Variants in RBFOX1 observed in about 807,000 individuals in gnomAD.
RBFOX1 encodes the protein RNA binding fox-1 homolog 1.
RBFOX1 carries 8 observed loss-of-function variants against 57.7 expected under a neutral mutation model. The observed-to-expected ratio is 0.14, with a 90% CI of 0.08 to 0.25. The LOEUF (loss-of-function observed/expected upper bound fraction) is 0.25, where lower values mean the gene tolerates loss of function less well. Among genes scored for constraint, RBFOX1 ranks in the 10% least tolerant of loss-of-function variants. The pLI is 1.00. For missense variants in RBFOX1, 611 were observed against 548.5 expected (o/e 1.11, Z -1.14); for synonymous variants, 326 against 222.4 (o/e 1.47, Z -4.15).
intron 1 of RBFOX1, among the ~76,000 whole-genome samples, chr16:6,190,697 G>C (rs1231221299): frequency 6.6e-6 from 1 of 152,136 alleles, no homozygotes; most frequent in South Asian, 2.1e-4. Context: ...ACTTGACTTA[G>C]TCTCTGTTGG....
At chr16:6,963,012 A>G (rs2083345069) in intron 3 of RBFOX1, among the ~76,000 whole-genome samples, 1 of 152,170 alleles carries the variant, frequency 6.6e-6, no homozygotes, top group Admixed American at 6.6e-5. Flanking sequence ...GCCAAGAATC[A>G]GCTCTGTAAA....
At chr16:5,912,302 T>C (rs1454964315) in intron 4 of RBFOX1, among the ~76,000 whole-genome samples, 3 of 152,198 alleles carry the variant, frequency 2.0e-5, no homozygotes, top group Non-Finnish European at 4.4e-5. Context: ...CACCGTATCA[T>C]TGACACATAA....
intron 2 of RBFOX1, among the ~76,000 whole-genome samples, chr16:6,596,198 A>G (rs1456865096): frequency 6.6e-6 from 1 of 151,004 alleles, no homozygotes; most frequent in Non-Finnish European, 1.5e-5. Context: ...CCCCAAGGTC[A>G]CAGAGATTTA....
rs140347339 is a variant in RBFOX1 at position 5,973,142 on chromosome 16, T to C, written c.351+105807T>C. On this transcript the variant is annotated intron_variant, in intron 4 of 19. Coordinates refer to the RBFOX1 transcript ENST00000641259. ...TAATATTCTATTCTACCTTATGATATTGGTAAATGTGATATCTATATTTAG... is the reference window on the plus strand; with the variant it reads ...TAATATTCTATTCTACCTTATGATACTGGTAAATGTGATATCTATATTTAG... 3.1e-3 allele frequency among the ~76,000 whole-genome samples: 475 copies of C among 152,292 alleles called. 3 individuals carry two copies. The highest frequency in any genetic ancestry group is 0.011 in the African/African-American group (462 of 41,556).
chr16:7,556,133 G>A (rs2088375467), intron 5 of RBFOX1, among the ~76,000 whole-genome samples: 1 of 152,158 alleles, frequency 6.6e-6, no homozygotes, highest in Non-Finnish European at 1.5e-5. Flanking sequence ...TCTAGATCTT[G>A]TGGCATCTTC....
intron 3 of RBFOX1, among the ~76,000 whole-genome samples, chr16:6,746,999 C>T (rs1344370799): frequency 6.6e-6 from 1 of 152,076 alleles, no homozygotes; most frequent in Admixed American, 6.5e-5. Context: ...GTGCAGATAT[C>T]CCCTCACCAC....
chr16:6,565,261 C>CTTTTTTTTTT (rs71145253), intron 2 of RBFOX1, among the ~76,000 whole-genome samples: 1 of 147,658 alleles, frequency 6.8e-6, no homozygotes, highest in South Asian at 2.1e-4. Context: ...CTTTTCTTTT[C>CTTTTTTTTTT]TTTTTTTTTG....
At chr16:7,577,995 G>C (rs988073150) in intron 5 of RBFOX1, among the ~76,000 whole-genome samples, 1 of 152,230 alleles carries the variant, frequency 6.6e-6, no homozygotes, top group African/African-American at 2.4e-5. Context: ...GTGACAAGGA[G>C]GGCTGATTTA....
intron 4 of RBFOX1, among the ~76,000 whole-genome samples, chr16:7,249,477 G>C (rs2094431876): frequency 6.6e-6 from 1 of 151,980 alleles, no homozygotes; most frequent in South Asian, 2.1e-4. Context: ...CATTTTTCCA[G>C]CTATCTGAAT....
intron 1 of RBFOX1, among the ~76,000 whole-genome samples, chr16:6,068,625 C>T (rs2095797135): frequency 6.6e-6 from 1 of 152,158 alleles, no homozygotes; most frequent in South Asian, 2.1e-4. Flanking sequence ...ATAATCATCC[C>T]AGCACCTGGA....
At chr16:6,838,275 G>A (rs1390764427) in intron 3 of RBFOX1, among the ~76,000 whole-genome samples, 1 of 151,984 alleles carries the variant, frequency 6.6e-6, no homozygotes, top group Non-Finnish European at 1.5e-5. Context: ...GAGAAGATGT[G>A]GTGTTTGGTT....
At chr16:7,571,563 C>G (rs2092779327) in intron 5 of RBFOX1, among the ~76,000 whole-genome samples, 1 of 152,180 alleles carries the variant, frequency 6.6e-6, no homozygotes, top group African/African-American at 2.4e-5. Context: ...GTGGTGTTTT[C>G]TTAACATTTA....
intron 3 of RBFOX1, among the ~76,000 whole-genome samples, chr16:6,890,228 A>G (rs2065082390): frequency 6.6e-6 from 1 of 152,104 alleles, no homozygotes; most frequent in South Asian, 2.1e-4. Flanking sequence ...TGTTATGAAA[A>G]CCTAAGGAGG....
intron 1 of RBFOX1, among the ~76,000 whole-genome samples, chr16:6,222,659 G>A (rs1007502055): frequency 6.1e-5 from 9 of 148,534 alleles, no homozygotes; most frequent in Non-Finnish European, 1.2e-4. Flanking sequence ...TAGGTCTTGG[G>A]TAGAATGTAA....
intron 4 of RBFOX1, among the ~76,000 whole-genome samples, chr16:5,999,660 G>C (rs1481796969): frequency 6.6e-6 from 1 of 152,046 alleles, no homozygotes; most frequent in Non-Finnish European, 1.5e-5. Flanking sequence ...AGGAGATCGA[G>C]ACCATTCTGG....
chr16:6,363,400 C>T (rs2088976990), intron 2 of RBFOX1, among the ~76,000 whole-genome samples: 1 of 152,154 alleles, frequency 6.6e-6, no homozygotes, highest in South Asian at 2.1e-4. Flanking sequence ...CAAAGTTGAC[C>T]AGTGATGCAC....
chr16:6,693,383 A>G (rs766144033), intron 3 of RBFOX1, among the ~76,000 whole-genome samples: 6 of 150,306 alleles, frequency 4.0e-5, no homozygotes, highest in African/African-American at 1.5e-4. Context: ...ATCCTACTCC[A>G]CTAGAATCAC....
intron 2 of RBFOX1, among the ~76,000 whole-genome samples, chr16:6,487,746 TATATATATAA>T (rs2095537088): frequency 2.8e-5 from 2 of 70,934 alleles, no homozygotes; most frequent in Non-Finnish European, 5.7e-5. Flanking sequence ...TATATATATA[TATATATATAA>T]AATATTATGC....
At chr16:6,296,637 G>A (rs2078148362) in intron 1 of RBFOX1, among the ~76,000 whole-genome samples, 1 of 152,104 alleles carries the variant, frequency 6.6e-6, no homozygotes, top group Non-Finnish European at 1.5e-5. Flanking sequence ...AGCTGGGATG[G>A]TCTCGATCTC....
Sources: gnomAD v4.1 joint callset for allele counts (sites outside exome capture counted in the v4.1 genomes callset) on GRCh38, gnomAD v4.1.1 for gene constraint, MANE v1.5 for transcripts, NCBI Gene and HGNC (gene_info 2026-07-23, HGNC 2026-07-21) for gene names.